Variants in DLG2 observed in about 807,000 individuals in gnomAD.
The protein encoded by DLG2 is disks large homolog 2.
Under a neutral mutation model 132.5 loss-of-function variants are expected in DLG2, and 45 were observed. The observed-to-expected ratio is 0.34, with a 90% CI of 0.27 to 0.44. DLG2 has a LOEUF of 0.44. Ranked by LOEUF, DLG2 falls within the 20% of genes least tolerant of loss-of-function variation. The pLI, the probability that DLG2 is intolerant of heterozygous loss-of-function variation, is 1.00. For synonymous variants in DLG2, 424 were observed against 419.6 expected (o/e 1.01, Z -0.13); for missense variants, 1,045 against 1,196.9 (o/e 0.87, Z 1.87).
At chr11:83,657,701 G>T (rs967485808) in intron 18 of DLG2, among the ~76,000 whole-genome samples, 19 of 152,010 alleles carry the variant, frequency 1.2e-4, no homozygotes, top group Admixed American at 5.9e-4. Context: ...ACCATGCCTG[G>T]CTAATTTTTT....
chr11:84,642,021 C>T (rs61899003), intron 6 of DLG2, among the ~76,000 whole-genome samples: 2,884 of 132,208 alleles, frequency 0.022, 90 homozygotes, highest in African/African-American at 0.089. Context: ...TATATATATA[C>T]ACACACACAC....
chr11:84,431,036 C>T (rs1021860615), intron 7 of DLG2, among the ~76,000 whole-genome samples: 4 of 152,150 alleles, frequency 2.6e-5, no homozygotes, highest in Non-Finnish European at 5.9e-5. Flanking sequence ...AAAATGATCA[C>T]TGAGGACTGG....
chr11:84,858,195 C>T (rs2083055086), intron 6 of DLG2, among the ~76,000 whole-genome samples: 1 of 151,792 alleles, frequency 6.6e-6, no homozygotes, highest in African/African-American at 2.4e-5. Flanking sequence ...GCCCAGCTAA[C>T]CTAAAAATGT....
chr11:84,709,404 A>T (rs1221641645), intron 6 of DLG2, among the ~76,000 whole-genome samples: 2 of 152,002 alleles, frequency 1.3e-5, no homozygotes, highest in African/African-American at 4.8e-5. Flanking sequence ...AGAGAGTAAG[A>T]GAAAGAAAAC....
At chr11:83,524,360 G>A (rs1405565759) in intron 21 of DLG2, among the ~76,000 whole-genome samples, 1 of 152,076 alleles carries the variant, frequency 6.6e-6, no homozygotes, top group Non-Finnish European at 1.5e-5. Flanking sequence ...GACAGGGGTT[G>A]AGCCTGCTCA....
At chr11:83,599,654 G>A (rs1409455709) in intron 19 of DLG2, among the ~76,000 whole-genome samples, 5 of 152,028 alleles carry the variant, frequency 3.3e-5, no homozygotes, top group African/African-American at 9.7e-5. Flanking sequence ...AACTCCCACC[G>A]CCACTAGACA....
At chr11:85,583,088 A>ATATG (rs1316084355) in intron 3 of DLG2, among the ~76,000 whole-genome samples, 3 of 29,832 alleles carry the variant, frequency 1.0e-4, no homozygotes, top group African/African-American at 2.6e-4. Flanking sequence ...AATATATGTG[A>ATATG]TGTGTGTGTG....
At chr11:84,313,506 G>A (rs534647169) in intron 7 of DLG2, among the ~76,000 whole-genome samples, 78 of 131,152 alleles carry the variant, frequency 5.9e-4, no homozygotes, top group African/African-American at 1.5e-3. Context: ...GAAAGAAAGA[G>A]AGAGAGAGAC....
chr11:83,579,947 G>A (rs1316660629), intron 19 of DLG2, among the ~76,000 whole-genome samples: 2 of 152,008 alleles, frequency 1.3e-5, no homozygotes, highest in African/African-American at 4.8e-5. Context: ...TCCAGCCTGG[G>A]TGACAGAGCG....
At chr11:84,363,890 C>T (rs892463400) in intron 7 of DLG2, among the ~76,000 whole-genome samples, 1 of 152,196 alleles carries the variant, frequency 6.6e-6, no homozygotes, top group South Asian at 2.1e-4. Context: ...GGTACCAGTA[C>T]CATGCTGTTT....
At chr11:84,235,031 T>G (rs1014099328) in intron 8 of DLG2, among the ~76,000 whole-genome samples, 1 of 152,164 alleles carries the variant, frequency 6.6e-6, no homozygotes, top group African/African-American at 2.4e-5. Flanking sequence ...ACCTGCCTAA[T>G]AAGAACCTTG....
chr11:84,064,590 G>A (rs536381065), intron 10 of DLG2, among the ~76,000 whole-genome samples: 61 of 152,264 alleles, frequency 4.0e-4, no homozygotes, highest in South Asian at 3.3e-3. Flanking sequence ...GAGAATGCAT[G>A]TGAAATACAT....
At chr11:83,726,800 G>T (rs1291936261) in intron 18 of DLG2, among the ~76,000 whole-genome samples, 1 of 151,852 alleles carries the variant, frequency 6.6e-6, no homozygotes, top group Admixed American at 6.6e-5. Flanking sequence ...GTGCTTTGAG[G>T]AGTATCATGA....
intron 16 of DLG2, among the ~76,000 whole-genome samples, chr11:83,859,919 C>T (rs1314979521): frequency 6.6e-6 from 1 of 152,244 alleles, no homozygotes; most frequent in East Asian, 1.9e-4. Flanking sequence ...TAAAAGGGGC[C>T]AAGGTAGAGC....
chr11:84,641,889 A>G (rs903493391), intron 6 of DLG2, among the ~76,000 whole-genome samples: 2 of 151,730 alleles, frequency 1.3e-5, no homozygotes, highest in Non-Finnish European at 2.9e-5. Flanking sequence ...CATTTTTGTC[A>G]AAGAATGAAA....
chr11:84,134,421 A>C (rs2094528758), intron 9 of DLG2, among the ~76,000 whole-genome samples: 1 of 152,122 alleles, frequency 6.6e-6, no homozygotes, highest in South Asian at 2.1e-4. Flanking sequence ...CTAGGTATCT[A>C]CTGGAACTCA....
intron 6 of DLG2, among the ~76,000 whole-genome samples, chr11:84,912,859 A>C (rs2092201626): frequency 6.6e-6 from 1 of 152,228 alleles, no homozygotes; most frequent in South Asian, 2.1e-4. Context: ...GAAACACATA[A>C]GCTCTTGAAC....
chr11:83,481,278 G>A (rs1301771219), intron 22 of DLG2, among the ~76,000 whole-genome samples: 2 of 151,946 alleles, frequency 1.3e-5, no homozygotes, highest in Non-Finnish European at 2.9e-5. Flanking sequence ...CAGAATTTGA[G>A]CTCTTATTTC....
At chr11:84,372,276 T>C (rs1052101262) in intron 7 of DLG2, among the ~76,000 whole-genome samples, 4 of 152,192 alleles carry the variant, frequency 2.6e-5, no homozygotes, top group Non-Finnish European at 5.9e-5. Context: ...AATTTCAGTG[T>C]TGCTTTTTAT....
Sources: gnomAD v4.1 joint callset for allele counts (sites outside exome capture counted in the v4.1 genomes callset) on GRCh38, gnomAD v4.1.1 for gene constraint, MANE v1.5 for transcripts, NCBI Gene and HGNC (gene_info 2026-07-23, HGNC 2026-07-21) for gene names.